PARVB: variants seen among roughly 807,000 people sequenced by gnomAD.
PARVB encodes the protein parvin beta.
A neutral mutation model predicts 47.0 loss-of-function variants in PARVB; 46 were observed. That is an observed-to-expected ratio of 0.98 (90% CI 0.77 to 1.25). PARVB has a LOEUF of 1.25. Among genes scored for constraint, PARVB ranks in the 50% most tolerant of loss-of-function variants. PARVB has a pLI of 0.00. For missense variants in PARVB, 473 were observed against 471.6 expected (o/e 1.00, Z -0.03); for synonymous variants, 196 against 196.3 (o/e 1.00, Z 0.01).
intron 1 of PARVB, among the ~76,000 whole-genome samples, chr22:44,027,311 GC>G (rs1363388781): frequency 6.6e-6 from 1 of 152,226 alleles, no homozygotes; most frequent in African/African-American, 2.4e-5. Context: ...GGTCCAGTGG[GC>G]CAGGATGGAG....
At chr22:44,051,206 C>T (rs1368102802) in intron 1 of PARVB, among the ~76,000 whole-genome samples, 2 of 152,204 alleles carry the variant, frequency 1.3e-5, no homozygotes, top group Non-Finnish European at 2.9e-5. Context: ...GGTGCCATGC[C>T]GTCAAAGACT....
chr22:44,147,574 T>A (rs976437126), intron 8 of PARVB: 2 of 558,320 alleles, frequency 3.6e-6, no homozygotes, highest in African/African-American at 3.7e-5. Context: ...CCAGATGCCA[T>A]CTATGTGTTT....
intron 1 of PARVB, among the ~76,000 whole-genome samples, chr22:44,062,422 G>T (rs976904721): frequency 1.3e-4 from 20 of 152,310 alleles, no homozygotes; most frequent in African/African-American, 4.6e-4. Context: ...TGGATTGCTT[G>T]AGGTCAGGAG....
chr22:44,126,038 G>A (rs1025429454), intron 4 of PARVB, among the ~76,000 whole-genome samples: 1 of 152,120 alleles, frequency 6.6e-6, no homozygotes, highest in Non-Finnish European at 1.5e-5. Flanking sequence ...GGGAAGGCGG[G>A]GGTCTGTGTT....
intron 3 of PARVB, 53 bp downstream of exon 3, chr22:44,100,176 T>G: frequency 6.9e-7 from 1 of 1,454,138 alleles, no homozygotes; most frequent in East Asian, 2.3e-5. Flanking sequence ...GGACTTGGCT[T>G]TGGGGTTCAG....
At chr22:44,069,167 G>A (rs2051598575) in intron 1 of PARVB, 1 of 1,611,444 alleles carries the variant, frequency 6.2e-7, no homozygotes, top group Non-Finnish European at 8.5e-7. Context: ...TCGCCAGTGA[G>A]TTCTGTTGCT....
intron 1 of PARVB, among the ~76,000 whole-genome samples, chr22:44,090,302 C>T (rs1378509422): frequency 6.6e-6 from 1 of 152,206 alleles, no homozygotes; most frequent in Non-Finnish European, 1.5e-5. Context: ...AGCCTGTGCC[C>T]CCCTCCTCCT....
chr22:44,069,072 C>T (rs1475833055), intron 1 of PARVB: 1 of 1,597,550 alleles, frequency 6.3e-7, no homozygotes, highest in African/African-American at 1.3e-5. Context: ...TGCCACGTCC[C>T]TATATGAACG....
At chr22:44,151,857 G>C (rs773129107) in intron 10 of PARVB, 9 of 314,028 alleles carry the variant, frequency 2.9e-5, no homozygotes, top group Non-Finnish European at 4.9e-5. Context: ...AAGGCTGTGA[G>C]GGAGGAGCTG....
At chr22:44,092,213 C>T (rs984266961) in intron 1 of PARVB, among the ~76,000 whole-genome samples, 14 of 152,292 alleles carry the variant, frequency 9.2e-5, no homozygotes, top group African/African-American at 3.4e-4. Context: ...TGGGTTCAAG[C>T]AATTCTCCCA....
intron 4 of PARVB, among the ~76,000 whole-genome samples, chr22:44,122,658 C>A (rs2053097351): frequency 6.6e-6 from 1 of 150,538 alleles, no homozygotes; most frequent in Non-Finnish European, 1.5e-5. Flanking sequence ...TAACAATTTT[C>A]AATGGATTCT....
chr22:44,036,088 C>T (rs1272832467), intron 1 of PARVB, among the ~76,000 whole-genome samples: 3 of 151,948 alleles, frequency 2.0e-5, no homozygotes, highest in Non-Finnish European at 4.4e-5. Context: ...GAAACCTTGT[C>T]TCTACTAAAA....
At chr22:44,070,396 G>T (rs1449272356) in intron 1 of PARVB, among the ~76,000 whole-genome samples, 2 of 152,192 alleles carry the variant, frequency 1.3e-5, no homozygotes, top group East Asian at 3.8e-4. Context: ...CCTGGTAAAT[G>T]CTCCTTCCCC....
chr22:44,001,236 C>T (rs1057451711), intron 2 of PARVB, among the ~76,000 whole-genome samples: 11 of 152,124 alleles, frequency 7.2e-5, no homozygotes, highest in Non-Finnish European at 1.2e-4. Context: ...GGTGACAGAG[C>T]GAGACTCCAT....
intron 1 of PARVB, among the ~76,000 whole-genome samples, chr22:44,091,135 G>A (rs1179353694): frequency 5.3e-5 from 8 of 152,092 alleles, no homozygotes; most frequent in South Asian, 2.1e-4. Flanking sequence ...CTGGTGTAGC[G>A]TTATGCTAAG....
rs141621685 is a variant in PARVB, at chr22:44,164,245, T to C, written c.1018+315T>C. Among the ~76,000 whole-genome samples the C allele has an allele frequency of 3.0e-3, 454 of 152,340 alleles. 1 individual carries two copies. The highest frequency in any genetic ancestry group is 0.01 in the African/African-American group (433 of 41,580). The stretch of plus-strand genomic sequence containing the variant: ...AGGCTGGAAATGCAGCTTCGTGCCC[T>C]GAGAAGAAATTAAAGGCTTACTCAA... On this transcript the variant is annotated intron_variant, in intron 12 of 12. Coordinates refer to ENST00000338758, the MANE Select transcript of PARVB (RefSeq NM_013327.5).
At chr22:44,090,038 G>A (rs2052127450) in intron 1 of PARVB, among the ~76,000 whole-genome samples, 2 of 152,184 alleles carry the variant, frequency 1.3e-5, no homozygotes, top group African/African-American at 4.8e-5. Context: ...ATCCACAGCT[G>A]CCTCTCCCAC....
At chr22:44,020,686 T>C (rs1398845790), upstream of PARVB, among the ~76,000 whole-genome samples, 1 of 152,156 alleles carries the variant, frequency 6.6e-6, no homozygotes, top group African/African-American at 2.4e-5. Context: ...AGGGCAAGGA[T>C]GGAGGAGGGG....
intron 1 of PARVB, among the ~76,000 whole-genome samples, chr22:44,061,612 G>A (rs938688858): frequency 2.0e-5 from 3 of 151,886 alleles, no homozygotes; most frequent in Non-Finnish European, 4.4e-5. Context: ...GGACACATCC[G>A]GCAACTCAGA....
Sources: gnomAD v4.1 joint callset for allele counts (sites outside exome capture counted in the v4.1 genomes callset) on GRCh38, gnomAD v4.1.1 for gene constraint, MANE v1.5 for transcripts, NCBI Gene and HGNC (gene_info 2026-07-23, HGNC 2026-07-21) for gene names.